SIAE: variants seen among roughly 807,000 people sequenced by gnomAD.
The protein encoded by SIAE is sialate O-acetylesterase.
SIAE carries 39 observed loss-of-function variants against 52.6 expected under a neutral mutation model. That is an observed-to-expected ratio of 0.74 (90% confidence interval 0.57 to 0.97). The LOEUF (loss-of-function observed/expected upper bound fraction) is 0.97. Ranked by LOEUF, SIAE falls within the 50% of genes least tolerant of loss-of-function variation. SIAE has a pLI of 0.00. For synonymous variants in SIAE, 233 were observed against 241.4 expected (o/e 0.97, Z 0.32); for missense variants, 592 against 662.1 (o/e 0.89, Z 1.16).
rs1030961688 is a variant in SIAE at position 124,635,442 on chromosome 11, A to G, written c.*1509T>C. ...ACACCAGAACCCCTTGGAACTCTAC[A>G]GAGGGGTAGAACTAAAGCAAAAACC... On this transcript the variant is annotated 3_prime_UTR_variant, in exon 10 of 10. Transcript: ENST00000263593. 11 of 152,326 alleles carry G rather than the reference A, an allele frequency of 7.2e-5. No homozygotes were observed. Among genetic ancestry groups the G allele is most frequent in the African/African-American group, 2.6e-4 (11 of 41,564 alleles). 9.4% of individuals were successfully genotyped at this position (152,326 alleles called of 1,614,324 possible).
chr11:124,638,888 A>G, intron 8 of SIAE, 151 bp from the exon 9 acceptor site: 1 of 659,962 alleles, frequency 1.5e-6, no homozygotes, highest in Non-Finnish European at 2.6e-6. Context: ...CTCAAGGGAA[A>G]TGGTGAATGG....
rs1401061120 is a variant in SIAE at position 124,636,999 on chromosome 11, A to C, written c.1524T>G (p.Ala508=). 5.0e-6 allele frequency: 8 copies of C among 1,614,076 alleles called. No homozygotes were observed. In the Admixed American group the frequency reaches 1.3e-4, roughly 27 times the overall value. The change falls in exon 10 of 10, where the codon GCT becomes GCG. Residue 508 remains alanine (A), a synonymous_variant. Coordinates refer to ENST00000263593, the MANE Select transcript of SIAE (RefSeq NM_170601.5). Reference sequence around the variant, plus strand: ...GTCCAGGACCCTGGTCTGTAATGAAAGCAATGAAGGGAGGGGCTGGCAGGG... The same window carrying C: ...GTCCAGGACCCTGGTCTGTAATGAACGCAATGAAGGGAGGGGCTGGCAGGG... ...SSALPAPPFI[A]FITDQGPGHQ...
chr11:124,654,654 C>T lies in SIAE; in HGVS notation c.544+1G>A. 1 of 1,614,150 alleles carries T rather than the reference C, an allele frequency of 6.2e-7. No homozygotes were observed. The highest frequency in any genetic ancestry group is 1.1e-5 in the South Asian group (1 of 91,080). ...GACAGCACGTTCAAGCCGTCACATA[C>T]CTGAGGTGGGCTTAGACCACTGCAA... On this transcript the variant is annotated splice_donor_variant, in intron 4 of 9. Coordinates refer to ENST00000263593, the MANE Select transcript of SIAE (RefSeq NM_170601.5). LOFTEE classifies it high-confidence loss of function.
In SIAE at chr11:124,639,732, C is replaced by T. The variant is rs767264039; in HGVS notation, c.1102G>A (p.Asp368Asn). 2 of 1,614,154 alleles carry T rather than the reference C, an allele frequency of 1.2e-6. No homozygotes were observed. Among genetic ancestry groups the T allele is most frequent in the South Asian group, 2.2e-5 (2 of 91,082 alleles). Residue 368 changes from aspartate to asparagine, a missense_variant, in exon 8 of 10, where the codon GAT becomes AAT. Coordinates refer to ENST00000263593, the MANE Select transcript of SIAE (RefSeq NM_170601.5). ...TFMAVAMDLCDRDSPFGSIHP... is the reference protein window; with the variant it reads ...TFMAVAMDLCNRDSPFGSIHP... ...TACCTGCCAAAAGGCGAGTCTCTAT[C>T]ACAGAGATCCATAGCTACAGCCATG...
At chr11:124,658,376 C>G (rs1943132563) in intron 3 of SIAE, among the ~76,000 whole-genome samples, 1 of 151,134 alleles carries the variant, frequency 6.6e-6, no homozygotes. Flanking sequence ...AAAAAAAAAG[C>G]CAGCCTCATA....
chr11:124,650,089 C>A (rs1197342993), intron 4 of SIAE, among the ~76,000 whole-genome samples: 3 of 152,120 alleles, frequency 2.0e-5, no homozygotes, highest in Non-Finnish European at 2.9e-5. Flanking sequence ...CATGTTTTTT[C>A]AGTTACTCAA....
At chr11:124,658,718 G>A (rs1004985975) in intron 3 of SIAE, among the ~76,000 whole-genome samples, 4 of 152,148 alleles carry the variant, frequency 2.6e-5, no homozygotes, top group Non-Finnish European at 5.9e-5. Flanking sequence ...AATGTGAAGA[G>A]TGGTAGGTTA....
intron 1 of SIAE, among the ~76,000 whole-genome samples, chr11:124,669,969 A>G (rs1207282830): frequency 6.6e-6 from 1 of 152,178 alleles, no homozygotes; most frequent in Non-Finnish European, 1.5e-5. Flanking sequence ...TGGGAATAAA[A>G]CAGCATGCCT....
At chr11:124,661,666 G>A (rs1220705016) in intron 2 of SIAE, among the ~76,000 whole-genome samples, 2 of 151,804 alleles carry the variant, frequency 1.3e-5, no homozygotes, top group East Asian at 1.9e-4. Flanking sequence ...GGAGAATCAA[G>A]CAACATGAAC....
chr11:124,649,391 G>A (rs896165758), intron 5 of SIAE, among the ~76,000 whole-genome samples: 5 of 151,906 alleles, frequency 3.3e-5, no homozygotes, highest in African/African-American at 1.2e-4. Context: ...GTAACCACTA[G>A]CTATTACTAT....
At chr11:124,655,261 C>T (rs1352579152) in intron 3 of SIAE, among the ~76,000 whole-genome samples, 6 of 150,908 alleles carry the variant, frequency 4.0e-5, no homozygotes, top group Admixed American at 6.6e-5. Flanking sequence ...CTGCAAGCTC[C>T]GCCTCCCAGG....
At chr11:124,671,761 C>A (rs999705530) in intron 1 of SIAE, among the ~76,000 whole-genome samples, 1 of 151,880 alleles carries the variant, frequency 6.6e-6, no homozygotes. Context: ...CATTTGATTT[C>A]TTGTTTGTTT....
chr11:124,673,412 G>A (rs1324817823), intron 1 of SIAE, among the ~76,000 whole-genome samples: 1 of 152,242 alleles, frequency 6.6e-6, no homozygotes, highest in Non-Finnish European at 1.5e-5. Flanking sequence ...CTGCTCACAG[G>A]CTGCATGTCA....
chr11:124,644,351 GAGAAA>G (rs1190018702), intron 7 of SIAE, among the ~76,000 whole-genome samples: 2 of 98,994 alleles, frequency 2.0e-5, no homozygotes, highest in African/African-American at 4.0e-5. Flanking sequence ...AGTCTGTGGT[GAGAAA>G]AAAAAAAAAA....
chr11:124,643,149 A>T (rs539826085), intron 7 of SIAE, among the ~76,000 whole-genome samples: 1 of 152,350 alleles, frequency 6.6e-6, no homozygotes, highest in Non-Finnish European at 1.5e-5. Context: ...AGAAAACTAA[A>T]ACAGCAGGAA....
At chr11:124,656,735 T>C (rs1943106663) in intron 3 of SIAE, among the ~76,000 whole-genome samples, 1 of 152,212 alleles carries the variant, frequency 6.6e-6, no homozygotes, top group Admixed American at 6.5e-5. Flanking sequence ...TCTTGAGTCC[T>C]TTCTATCCCC....
Position 124,633,222 on chromosome 11 carries a change from G to C in SIAE, c.*3729C>G, listed in dbSNP as rs531470774. 31 of 152,326 alleles carry C rather than the reference G, an allele frequency of 2.0e-4. No homozygotes were observed. The highest frequency in any genetic ancestry group is 7.0e-4 in the African/African-American group (29 of 41,566). 9.4% of individuals were successfully genotyped at this position (152,326 alleles called of 1,614,324 possible). A position where few individuals can be genotyped will look rare whatever the true frequency, so the allele number is the denominator to read the frequency against. On this transcript the variant is annotated 3_prime_UTR_variant, in exon 10 of 10. Coordinates refer to ENST00000263593, the MANE Select transcript of SIAE (RefSeq NM_170601.5). ...CAAATTCACATATAATTGGGGGTTA[G>C]TCCCATACTCTATAACAGACTTAGT...
At position 124,660,661 on chromosome 11, in the gene SIAE, A is replaced by G. The variant is rs770886122; in HGVS notation, c.372T>C (p.Ser124=). Residue 124 remains serine, a synonymous_variant, in exon 3 of 10, where the codon AGT becomes AGC. Transcript: ENST00000263593. Reference sequence around the variant, plus strand: ...CAGTCATCTGCATGTTACTCTGCCCACTACAGAGCCAGACATCTCCAAACA... The same window carrying G: ...CAGTCATCTGCATGTTACTCTGCCCGCTACAGAGCCAGACATCTCCAAACA... ...DVLFGDVWLC[S]GQSNMQMTVL... is the part of the protein sequence containing the mutation. The G allele has an allele frequency of 3.1e-6, 5 of 1,614,020 alleles. No individual in the cohort carries two copies. In the South Asian group the frequency reaches 4.4e-5, roughly 14 times the overall value.
rs575642005 is a variant in SIAE, at chr11:124,668,979, T to C, written c.229+381A>G. Among the ~76,000 whole-genome samples the C allele has an allele frequency of 4.6e-5, 7 of 152,304 alleles. No individual in the cohort carries two copies. The East Asian group carries it at 1.3e-3, about 29-fold the overall frequency. On this transcript the variant is annotated intron_variant, in intron 2 of 9. Coordinates refer to ENST00000263593, the MANE Select transcript of SIAE (RefSeq NM_170601.5). Reference sequence around the variant, plus strand: ...TCTCCTCCATACTGCCTCTCCTCTATATATGATTCAGCTCAAATACCATCT... The same window carrying C: ...TCTCCTCCATACTGCCTCTCCTCTACATATGATTCAGCTCAAATACCATCT...
Sources: gnomAD v4.1 joint callset for allele counts (sites outside exome capture counted in the v4.1 genomes callset) on GRCh38, gnomAD v4.1.1 for gene constraint, MANE v1.5 for transcripts, NCBI Gene and HGNC (gene_info 2026-07-23, HGNC 2026-07-21) for gene names.